COL9A1: variants seen among roughly 807,000 people sequenced by gnomAD.
The protein encoded by COL9A1 is collagen alpha-1(IX) chain.
COL9A1 carries 104 observed loss-of-function variants against 142.6 expected under a neutral mutation model. The observed-to-expected ratio is 0.73, with a 90% confidence interval of 0.62 to 0.86. The LOEUF is 0.86. Among genes scored for constraint, COL9A1 ranks in the 40% least tolerant of loss-of-function variants. COL9A1 has a pLI of 0.00. For synonymous variants in COL9A1, 466 were observed against 396.0 expected (o/e 1.18, Z -2.10); for missense variants, 1,210 against 1,176.6 (o/e 1.03, Z -0.42).
intron 4 of COL9A1, among the ~76,000 whole-genome samples, chr6:70,299,014 A>G (rs1293113682): frequency 6.6e-6 from 1 of 152,140 alleles, no homozygotes; most frequent in African/African-American, 2.4e-5. Flanking sequence ...CCCTGATTTA[A>G]GAAAAAAAAG....
At chr6:70,295,678 G>A (rs967578071) in intron 4 of COL9A1, among the ~76,000 whole-genome samples, 1 of 152,032 alleles carries the variant, frequency 6.6e-6, no homozygotes, top group Non-Finnish European at 1.5e-5. Context: ...GTGTCCCTGA[G>A]GCATCTCTAC....
intron 13 of COL9A1, 104 bp from the exon 14 acceptor site, chr6:70,271,812 G>A: frequency 2.4e-6 from 3 of 1,229,240 alleles, no homozygotes; most frequent in Non-Finnish European, 3.5e-6. Context: ...TTCTGTATTA[G>A]CTTTGGTTTC....
chr6:70,233,813 CA>C (rs1769710324), intron 35 of COL9A1, among the ~76,000 whole-genome samples: 1 of 152,184 alleles, frequency 6.6e-6, no homozygotes, highest in East Asian at 1.9e-4. Context: ...GTCTAGTGAA[CA>C]TACAAAAGAG....
intron 28 of COL9A1, among the ~76,000 whole-genome samples, chr6:70,246,751 A>C (rs1458527142): frequency 6.6e-6 from 1 of 152,196 alleles, no homozygotes; most frequent in African/African-American, 2.4e-5. Flanking sequence ...CTTCAACTGA[A>C]AATCATCCTG....
chr6:70,291,044 C>T (rs1484407958), intron 5 of COL9A1, among the ~76,000 whole-genome samples: 1 of 152,094 alleles, frequency 6.6e-6, no homozygotes, highest in African/African-American at 2.4e-5. Flanking sequence ...TTCTAAGGGA[C>T]AGGTAGTCAT....
intron 5 of COL9A1, among the ~76,000 whole-genome samples, chr6:70,290,791 A>G (rs1017901267): frequency 1.3e-5 from 2 of 152,158 alleles, no homozygotes; most frequent in Non-Finnish European, 2.9e-5. Flanking sequence ...CTCTGAAAAA[A>G]GTATTCAATT....
Position 70,292,917 on chromosome 6 carries a change from C to T in COL9A1, c.696+1250G>A, listed in dbSNP as rs78491348. Among the ~76,000 whole-genome samples the T allele has an allele frequency of 4.3e-3, 651 of 152,258 alleles. 4 individuals carry two copies. The highest frequency in any genetic ancestry group is 0.015 in the African/African-American group (615 of 41,566). On this transcript the variant is annotated intron_variant, in intron 5 of 37. Transcript: ENST00000357250. ...TGATAACTCATTAAATGAAGAAATA[C>T]TTTTTCAAGAGTCTACAAGCCAGAG...
At chr6:70,267,524 G>A (rs1772107491) in intron 17 of COL9A1, among the ~76,000 whole-genome samples, 1 of 151,640 alleles carries the variant, frequency 6.6e-6, no homozygotes, top group South Asian at 2.1e-4. Flanking sequence ...GTTTCTCCAT[G>A]TTAGTCAGGC....
intron 4 of COL9A1, among the ~76,000 whole-genome samples, chr6:70,299,389 T>C (rs1773969247): frequency 6.6e-6 from 1 of 152,156 alleles, no homozygotes; most frequent in African/African-American, 2.4e-5. Context: ...TAATCATAAA[T>C]AAGGTATTTA....
At chr6:70,261,978 T>C (rs76575411) in intron 19 of COL9A1, among the ~76,000 whole-genome samples, 335 of 152,182 alleles carry the variant, frequency 2.2e-3, no homozygotes, top group African/African-American at 7.8e-3. Flanking sequence ...TAGCAGGAGG[T>C]AATCAAGCAC....
intron 4 of COL9A1, among the ~76,000 whole-genome samples, chr6:70,298,926 C>A (rs1323107760): frequency 2.0e-5 from 3 of 152,102 alleles, no homozygotes; most frequent in Non-Finnish European, 2.9e-5. Flanking sequence ...ACCTTTGCAA[C>A]CATTCTGCCT....
intron 4 of COL9A1, among the ~76,000 whole-genome samples, chr6:70,297,416 T>C (rs1359866338): frequency 6.6e-6 from 1 of 152,100 alleles, no homozygotes. Context: ...TAGTAGTCAA[T>C]ATGGTAAGAA....
chr6:70,298,918 C>T (rs920491563), intron 4 of COL9A1, among the ~76,000 whole-genome samples: 2 of 152,050 alleles, frequency 1.3e-5, no homozygotes, highest in African/African-American at 2.4e-5. Context: ...GAAGTAAAAC[C>T]TTTGCAACCA....
At chr6:70,277,502 G>GA (rs1232624331) in intron 10 of COL9A1, among the ~76,000 whole-genome samples, 1 of 152,140 alleles carries the variant, frequency 6.6e-6, no homozygotes, top group Admixed American at 6.5e-5. Flanking sequence ...TACCAGAGCA[G>GA]AAAAAAGTGC....
chr6:70,300,413 A>G (rs1407970147), intron 2 of COL9A1, 27 bp from the exon 3 acceptor site: 2 of 1,214,978 alleles, frequency 1.6e-6, no homozygotes, highest in African/African-American at 3.0e-5. Context: ...ATGTCATTCT[A>G]CTTCATCCAC....
At chr6:70,235,104 T>C (rs1036481583) in intron 33 of COL9A1, among the ~76,000 whole-genome samples, 164 bp from the exon 34 acceptor site, 6 of 152,250 alleles carry the variant, frequency 3.9e-5, no homozygotes, top group Non-Finnish European at 7.3e-5. Context: ...TGAAGACACA[T>C]AATGCTACAC....
At chr6:70,255,087 A>G in intron 23 of COL9A1, 63 bp downstream of exon 23, 1 of 1,613,232 alleles carries the variant, frequency 6.2e-7, no homozygotes, top group Non-Finnish European at 8.5e-7. Context: ...TTATTTTCTA[A>G]AGTTTCATTG....
In COL9A1 at chr6:70,263,303, GAA is replaced by G. The variant is rs537445397; in HGVS notation, c.1342-8_1342-7del. 1.6e-4 allele frequency: 249 copies of G among 1,601,852 alleles called. 1 individual carries two copies. The African/African-American group carries it at 3.0e-3, about 19-fold the overall frequency. The stretch of plus-strand genomic sequence containing the variant: ...CCCTGGTCACCTTCTTCACCCTAAA[GAA>G]AAAAAAGAAAAAAGAAAAGCACACC... On this transcript the variant is annotated splice_region_variant and splice_polypyrimidine_tract_variant and intron_variant, in intron 18 of 37. Coordinates refer to ENST00000357250, the MANE Select transcript of COL9A1 (RefSeq NM_001851.6).
intron 25 of COL9A1, among the ~76,000 whole-genome samples, chr6:70,253,798 G>C (rs1006313986): frequency 1.7e-4 from 26 of 152,198 alleles, no homozygotes; most frequent in African/African-American, 5.8e-4. Flanking sequence ...TTCATGTACA[G>C]AGTAATAAAA....
Sources: allele counts gnomAD v4.1 joint callset (sites outside exome capture counted in the v4.1 genomes callset), GRCh38; gene constraint gnomAD v4.1.1; transcripts MANE v1.5; gene names NCBI Gene and HGNC (gene_info 2026-07-23, HGNC 2026-07-21).